The following CHRM2 variants were observed in gnomAD, a reference collection of about 807,000 sequenced individuals.
CHRM2 encodes cholinergic receptor muscarinic 2, also known as muscarinic acetylcholine receptor M2.
In CHRM2, 8 loss-of-function variants were observed where a neutral mutation model predicts 25.0. That is an observed-to-expected ratio of 0.32 (90% CI 0.19 to 0.58). The LOEUF (loss-of-function observed/expected upper bound fraction) is 0.58. Ranked by LOEUF, CHRM2 falls within the 20% of genes least tolerant of loss-of-function variation. The probability of loss-of-function intolerance (pLI) is 0.88; values close to 1 mark genes in which losing one functional copy is unlikely to be tolerated. For synonymous variants in CHRM2, 202 were observed against 205.7 expected, an observed-to-expected ratio of 0.98 and a Z score of 0.15; for missense variants, 440 against 567.1, an observed-to-expected ratio of 0.78 and a Z score of 2.28.
At chr7:136,922,241 C>A (rs1488271829) in intron 2 of CHRM2, among the ~76,000 whole-genome samples, 3 of 152,332 alleles carry the variant, frequency 2.0e-5, no homozygotes, top group Admixed American at 6.5e-5. Context: ...TCTCATCTGT[C>A]AATTTTACTG....
chr7:136,887,068 G>C (rs7777727), intron 2 of CHRM2, among the ~76,000 whole-genome samples: 49,015 of 151,982 alleles, frequency 0.32, 8,542 homozygotes, highest in African/African-American at 0.42. Flanking sequence ...GAGGACTATG[G>C]TTATTAACAG....
intron 2 of CHRM2, among the ~76,000 whole-genome samples, chr7:136,935,583 G>A (rs564101826): frequency 1.5e-3 from 223 of 152,294 alleles, no homozygotes; most frequent in Non-Finnish European, 3.0e-3. Context: ...TCCATTGGGA[G>A]CTGTTTTGGA....
chr7:136,934,683 T>C (rs995005974), intron 2 of CHRM2, among the ~76,000 whole-genome samples: 5 of 151,968 alleles, frequency 3.3e-5, no homozygotes, highest in African/African-American at 1.2e-4. Flanking sequence ...AAGGATAGGG[T>C]TTGGAAAGGA....
At chr7:136,946,602 A>G (rs1188786055) in intron 2 of CHRM2, among the ~76,000 whole-genome samples, 1 of 152,136 alleles carries the variant, frequency 6.6e-6, no homozygotes, top group Admixed American at 6.6e-5. Flanking sequence ...TATTTGTTCT[A>G]TTTTTAATAC....
chr7:136,921,434 T>C (rs989924196), intron 2 of CHRM2, among the ~76,000 whole-genome samples: 24 of 152,116 alleles, frequency 1.6e-4, no homozygotes, highest in Admixed American at 1.0e-3. Context: ...CAAAAAATCA[T>C]TCCATTCTCT....
At position 136,901,085 on chromosome 7, in the gene CHRM2, G is replaced by A. The variant is rs114483415; in HGVS notation, c.-125+31667G>A. Among the ~76,000 whole-genome samples the A allele has an allele frequency of 5.1e-3, 774 of 152,098 alleles. 5 individuals carry two copies. Among genetic ancestry groups the A allele is most frequent in the African/African-American group, 0.017 (726 of 41,500 alleles). The stretch of plus-strand genomic sequence containing the variant: ...GAATGATATAACAGTAATTGAGAAC[G>A]GAGTTTCTAATACTTTCTTCCTGCA... On this transcript the variant is annotated intron_variant, in intron 2 of 3. Coordinates refer to ENST00000680005, the MANE Select transcript of CHRM2 (RefSeq NM_001006630.2).
intron 2 of CHRM2, among the ~76,000 whole-genome samples, chr7:136,923,400 G>A (rs1798562550): frequency 6.6e-6 from 1 of 151,584 alleles, no homozygotes; most frequent in Non-Finnish European, 1.5e-5. Flanking sequence ...TCCCTGCTCT[G>A]TCTACACAAA....
intron 2 of CHRM2, among the ~76,000 whole-genome samples, chr7:136,981,713 G>GT (rs1040405221): frequency 6.6e-6 from 1 of 152,150 alleles, no homozygotes; most frequent in Non-Finnish European, 1.5e-5. Context: ...TTACCCAGTA[G>GT]TTTTTCAGGA....
chr7:137,011,391 G>A lies in CHRM2; in HGVS notation c.-46-3429G>A, dbSNP rs529049496. Among the ~76,000 whole-genome samples, 208 of 151,910 alleles carry A rather than the reference G, an allele frequency of 1.4e-3. 1 individual carries two copies. The highest frequency in any genetic ancestry group is 4.8e-3 in the African/African-American group (198 of 41,436). On this transcript the variant is annotated intron_variant, in intron 3 of 3. Coordinates refer to ENST00000680005, the MANE Select transcript of CHRM2 (RefSeq NM_001006630.2). ...TGTAACTCTTAGAATGAGGCCGAAA[G>A]CTTCAGCACCCTAGGGCTCCTGGTG... is the stretch of plus-strand genomic sequence containing the variant.
intron 2 of CHRM2, among the ~76,000 whole-genome samples, chr7:136,952,081 C>G (rs918020130): frequency 1.3e-5 from 2 of 152,132 alleles, no homozygotes; most frequent in Non-Finnish European, 2.9e-5. Context: ...GGGAGCAGAA[C>G]ACAACTTATT....
intron 2 of CHRM2, among the ~76,000 whole-genome samples, chr7:136,888,903 C>T (rs537728064): frequency 1.3e-5 from 2 of 151,922 alleles, no homozygotes; most frequent in East Asian, 3.9e-4. Flanking sequence ...AAAAAATTAG[C>T]CGGGCGTGGT....
chr7:137,014,860 C>T lies in CHRM2; in HGVS notation c.-6C>T, dbSNP rs370389230. ...TGCTACTTGGCTACTGATTAGAGAA[C>T]GCAAAATGAATAACTCAACAAACTC... On this transcript the variant is annotated 5_prime_UTR_variant, in exon 4 of 4. It adds an upstream start codon to the 5' untranslated region. Transcript: ENST00000680005. 4.5e-5 allele frequency: 73 copies of T among 1,612,426 alleles called. No individual in the cohort carries two copies. The Admixed American group carries it at 7.8e-4, about 17-fold the overall frequency.
At chr7:136,955,932 TTTTG>T (rs767928189) in intron 2 of CHRM2, among the ~76,000 whole-genome samples, 18 of 152,182 alleles carry the variant, frequency 1.2e-4, no homozygotes, top group South Asian at 2.1e-4. Flanking sequence ...AATGAGGGTT[TTTTG>T]TTTATTTTTA....
intron 2 of CHRM2, among the ~76,000 whole-genome samples, chr7:136,981,693 A>C (rs1233472580): frequency 6.6e-6 from 1 of 152,060 alleles, no homozygotes; most frequent in African/African-American, 2.4e-5. Flanking sequence ...TTCTACCTTA[A>C]TTTCGCTATT....
intron 2 of CHRM2, among the ~76,000 whole-genome samples, chr7:136,896,753 A>G (rs1462357643): frequency 3.3e-5 from 5 of 152,142 alleles, no homozygotes; most frequent in Admixed American, 3.3e-4. Flanking sequence ...TCATGACTCA[A>G]CTAGAGAAAG....
At chr7:137,012,905 T>G (rs1804916069) in intron 3 of CHRM2, among the ~76,000 whole-genome samples, 1 of 151,942 alleles carries the variant, frequency 6.6e-6, no homozygotes, top group South Asian at 2.1e-4. Context: ...ATCCCGCTAG[T>G]CCCACCAAAA....
At chr7:136,991,295 C>A (rs550367601) in intron 2 of CHRM2, among the ~76,000 whole-genome samples, 1 of 152,036 alleles carries the variant, frequency 6.6e-6, no homozygotes, top group Non-Finnish European at 1.5e-5. Flanking sequence ...CCACTTTGAG[C>A]TAATTTTTGT....
chr7:136,923,411 C>T lies in CHRM2; in HGVS notation c.-125+53993C>T, dbSNP rs115234574. 2.3e-3 allele frequency among the ~76,000 whole-genome samples: 355 copies of T among 152,150 alleles called. 1 individual carries two copies. The highest frequency in any genetic ancestry group is 8.4e-3 in the African/African-American group (348 of 41,528). On this transcript the variant is annotated intron_variant, in intron 2 of 3. Coordinates refer to ENST00000680005, the MANE Select transcript of CHRM2 (RefSeq NM_001006630.2). ...GTGCTCCCTGCTCTGTCTACACAAA[C>T]GGATCAGAGGATTCAGGTATGAAAT...
chr7:136,902,082 C>A (rs995336119), intron 2 of CHRM2: 1 of 151,992 alleles, frequency 6.6e-6, no homozygotes, highest in South Asian at 2.1e-4. Flanking sequence ...CTCCCCTTAG[C>A]TTCTTCTATG....
Sources: gnomAD v4.1 joint callset for allele counts (sites outside exome capture counted in the v4.1 genomes callset) on GRCh38, gnomAD v4.1.1 for gene constraint, MANE v1.5 for transcripts, NCBI Gene and HGNC (gene_info 2026-07-23, HGNC 2026-07-21) for gene names.